DET1: variants seen among roughly 807,000 people sequenced by gnomAD.
The protein encoded by DET1 is DET1 homolog.
Under a neutral mutation model 43.7 loss-of-function variants are expected in DET1, and 22 were observed. The observed-to-expected ratio is 0.50, with a 90% CI of 0.36 to 0.72. The LOEUF (loss-of-function observed/expected upper bound fraction) is 0.72, where lower values mean the gene tolerates loss of function less well. Among genes scored for constraint, DET1 ranks in the 30% least tolerant of loss-of-function variants. The pLI, the probability that DET1 is intolerant of heterozygous loss-of-function variation, is 0.00. For missense variants in DET1, 713 were observed against 713.3 expected (o/e 1.00, Z 0.00); for synonymous variants, 315 against 266.2 (o/e 1.18, Z -1.79).
At chr15:88,518,098 C>T (rs1447755827) in intron 3 of DET1, among the ~76,000 whole-genome samples, 2 of 133,782 alleles carry the variant, frequency 1.5e-5, no homozygotes, top group Admixed American at 1.6e-4. Context: ...GCCACCACAC[C>T]CAGCTAATTT....
At chr15:88,528,172 C>T (rs2056717628) in intron 2 of DET1, among the ~76,000 whole-genome samples, 1 of 152,220 alleles carries the variant, frequency 6.6e-6, no homozygotes, top group South Asian at 2.1e-4. Context: ...CCCAACCCAC[C>T]CTGAAATAAA....
chr15:88,506,147 T>C (rs901100778), intron 7 of DET1, among the ~76,000 whole-genome samples: 11 of 152,272 alleles, frequency 7.2e-5, no homozygotes, highest in Non-Finnish European at 2.9e-5. Flanking sequence ...TGGGCACTTA[T>C]TGTATCAAGA....
In DET1 at chr15:88,531,534, G is replaced by A. The variant is rs1429832138; in HGVS notation, c.172C>T (p.Pro58Ser). ...PNFTVVNVEK[P>S]PCFLRKFSPD... ...GAGAATTTACGCAAGAAACAAGGAG[G>A]CTTTTCAACGTTGACAACTGTGAAG... The change falls in exon 2 of 5, where the codon CCT (proline) becomes TCT (serine). Residue 58 changes from proline to serine, a missense_variant. Coordinates refer to ENST00000268148, the MANE Select transcript of DET1 (RefSeq NM_001144074.3). The surrounding 1 kb of genome is among the most constrained non-coding windows in gnomAD (Gnocchi z 6.2). 3 of 1,613,994 alleles carry A rather than the reference G, an allele frequency of 1.9e-6. No individual in the cohort carries two copies. Among genetic ancestry groups the A allele is most frequent in the Non-Finnish European group, 1.7e-6 (2 of 1,179,898 alleles).
At chr15:88,506,280 T>C (rs2142244040) in intron 7 of DET1, among the ~76,000 whole-genome samples, 1 of 152,268 alleles carries the variant, frequency 6.6e-6, no homozygotes, top group Admixed American at 6.5e-5. Flanking sequence ...ACATCATAGG[T>C]GACACAGCCA....
At chr15:88,513,977 T>G (rs986365304) in intron 4 of DET1, among the ~76,000 whole-genome samples, 3 of 150,436 alleles carry the variant, frequency 2.0e-5, no homozygotes, top group African/African-American at 7.4e-5. Context: ...TTTTTTGTAT[T>G]TTTAGTAGAG....
Position 88,544,768 on chromosome 15 carries a change from T to C in DET1, c.-11+1772A>G, listed in dbSNP as rs550800755. Reference sequence around the variant, plus strand: ...GCCTCGGTCAGGCCCCTTCTAAAACTGTGCCTAAGTCAGGACGTGTATTTG... The same window carrying C: ...GCCTCGGTCAGGCCCCTTCTAAAACCGTGCCTAAGTCAGGACGTGTATTTG... On this transcript the variant is annotated intron_variant, in intron 1 of 4. Coordinates refer to ENST00000268148, the MANE Select transcript of DET1 (RefSeq NM_001144074.3). Among the ~76,000 whole-genome samples the C allele has an allele frequency of 2.3e-3, 347 of 152,266 alleles. 3 individuals carry two copies. The highest frequency in any genetic ancestry group is 8.1e-3 in the African/African-American group (335 of 41,534).
intron 1 of DET1, among the ~76,000 whole-genome samples, chr15:88,544,549 T>C (rs1192229234): frequency 2.0e-5 from 3 of 152,188 alleles, no homozygotes; most frequent in African/African-American, 7.2e-5. Flanking sequence ...GACGGGGTCC[T>C]GCCATTCGTT....
intron 7 of DET1, among the ~76,000 whole-genome samples, chr15:88,506,807 G>A (rs1239953120): frequency 6.6e-6 from 1 of 152,134 alleles, no homozygotes. Flanking sequence ...TTCTCTCAAG[G>A]TCCAGAGCAG....
rs569976232 is a variant in DET1 at position 88,527,603 on chromosome 15, G to C, written c.1267C>G (p.Arg423Gly). ...GAGTCTGGTGGAACAGCTTACCGGCGCTGGATCTGCCTTGCAAAATTGTTG... is the reference window on the plus strand; with the variant it reads ...GAGTCTGGTGGAACAGCTTACCGGCCCTGGATCTGCCTTGCAAAATTGTTG... The part of the protein sequence containing the change: ...SSNNFARQIQ[R>G]RFKDTIINAK... The change falls in exon 3 of 5, where the codon CGC becomes GGC. Residue 423 changes from arginine (R) to glycine (G), a missense_variant. Physicochemically the swap from Arg to Gly is moderately radical, Grantham distance 125. Coordinates refer to ENST00000268148, the MANE Select transcript of DET1 (RefSeq NM_001144074.3). The C allele has an allele frequency of 6.3e-7, 1 of 1,598,698 alleles. No individual in the cohort carries two copies. Among genetic ancestry groups the C allele is most frequent in the Admixed American group, 1.7e-5 (1 of 58,046 alleles).
chr15:88,513,209 T>G (rs2056241388), intron 4 of DET1, 69 bp from the exon 5 acceptor site: 2 of 1,463,714 alleles, frequency 1.4e-6, no homozygotes, highest in Admixed American at 2.3e-5. Flanking sequence ...AACTGAAATC[T>G]AGACAGCAGG....
intron 4 of DET1, among the ~76,000 whole-genome samples, chr15:88,515,597 A>G (rs2056324965): frequency 1.3e-5 from 2 of 150,898 alleles, no homozygotes; most frequent in African/African-American, 4.9e-5. Context: ...CAATGCATGA[A>G]CCTTGTTTGA....
Position 88,512,698 on chromosome 15 carries a change from C to G in DET1, c.*253G>C. The G allele has an allele frequency of 8.2e-7, 1 of 1,219,074 alleles. No individual in the cohort carries two copies. Among genetic ancestry groups the G allele is most frequent in the Non-Finnish European group, 1.0e-6 (1 of 978,828 alleles). The allele number at this position is 1,219,074 out of a possible 1,614,324, so 75.5% of individuals were successfully genotyped here. On this transcript the variant is annotated 3_prime_UTR_variant, in exon 5 of 5. Transcript: ENST00000268148. Reference sequence around the variant, plus strand: ...CAAAGTAAAGCAAAAATGAAATGGACTTAATTAATGCTGGGCATTCCCACA... The same window carrying G: ...CAAAGTAAAGCAAAAATGAAATGGAGTTAATTAATGCTGGGCATTCCCACA...
downstream of DET1, chr15:88,511,348 C>CA (rs1352469957): frequency 1.1e-6 from 1 of 947,996 alleles, no homozygotes; most frequent in East Asian, 1.2e-4. Flanking sequence ...CCTCTCTTCC[C>CA]AATATCCCCT....
chr15:88,544,385 G>A (rs1422745143), intron 1 of DET1, among the ~76,000 whole-genome samples: 1 of 152,130 alleles, frequency 6.6e-6, no homozygotes, highest in South Asian at 2.1e-4. Flanking sequence ...ATCATGTATG[G>A]GAGGGCGCCG....
At chr15:88,510,939 A>G (rs2056193501), downstream of DET1, among the ~76,000 whole-genome samples, 1 of 151,650 alleles carries the variant, frequency 6.6e-6, no homozygotes, top group African/African-American at 2.4e-5. Context: ...ACGTCCCGCT[A>G]ATTTTTTTAT....
chr15:88,521,927 A>G (rs900628301), intron 3 of DET1, among the ~76,000 whole-genome samples: 1 of 150,820 alleles, frequency 6.6e-6, no homozygotes, highest in Non-Finnish European at 1.5e-5. Context: ...TGCGCTGATA[A>G]AGGTTTAATT....
At chr15:88,510,056 T>C (rs528976404), downstream of DET1, among the ~76,000 whole-genome samples, 10 of 152,326 alleles carry the variant, frequency 6.6e-5, no homozygotes, top group South Asian at 1.9e-3. Context: ...GTCTTTTAGC[T>C]ATAGCAGTTT....
At chr15:88,527,548 AAC>A in intron 3 of DET1, 49 bp downstream of exon 3, 1 of 1,505,832 alleles carries the variant, frequency 6.6e-7, no homozygotes, top group Non-Finnish European at 8.9e-7. Context: ...CTATTGGCCT[AAC>A]ACCAATTTTT....
intron 1 of DET1, among the ~76,000 whole-genome samples, chr15:88,543,341 C>T (rs1477920863): frequency 2.0e-5 from 3 of 152,204 alleles, no homozygotes; most frequent in South Asian, 2.1e-4. Flanking sequence ...TACAGCTCCT[C>T]ATGCTGTAGA....
Sources: allele counts gnomAD v4.1 joint callset (sites outside exome capture counted in the v4.1 genomes callset), GRCh38; gene constraint gnomAD v4.1.1; non-coding constraint Gnocchi (gnomAD v3.1); transcripts MANE v1.5; gene names NCBI Gene and HGNC (gene_info 2026-07-23, HGNC 2026-07-21).